TRMT9B: variants seen among roughly 807,000 people sequenced by gnomAD.
TRMT9B encodes probable tRNA methyltransferase 9B.
In TRMT9B, 16 loss-of-function variants were observed where a neutral mutation model predicts 11.5. That is an observed-to-expected ratio of 1.39 (90% CI 0.94 to 2.11). The LOEUF (loss-of-function observed/expected upper bound fraction) is 2.11. TRMT9B is among the 30% of genes most tolerant of loss of function. The pLI, the probability that TRMT9B is intolerant of heterozygous loss-of-function variation, is 0.00. For synonymous variants in TRMT9B, 274 were observed against 192.4 expected (o/e 1.42, Z -3.51); for missense variants, 941 against 553.8 (o/e 1.70, Z -7.02).
At chr8:12,999,895 A>G (rs1223489847) in intron 2 of TRMT9B, among the ~76,000 whole-genome samples, 1 of 152,236 alleles carries the variant, frequency 6.6e-6, no homozygotes, top group East Asian at 1.9e-4. Flanking sequence ...ATTTTATTAT[A>G]ATATATCTCT....
chr8:12,952,738 G>GC, intron 1 of TRMT9B: 2 of 963,756 alleles, frequency 2.1e-6, no homozygotes, highest in Non-Finnish European at 2.5e-6. Flanking sequence ...TGCTATGTGT[G>GC]GGGTTTTTTT....
intron 1 of TRMT9B, among the ~76,000 whole-genome samples, chr8:12,958,205 G>C (rs148587597): frequency 1.6e-4 from 24 of 151,918 alleles, no homozygotes; most frequent in Non-Finnish European, 2.8e-4. Context: ...CATTGTTTAC[G>C]CCACATTATG....
chr8:12,996,319 T>C (rs1435360452), intron 2 of TRMT9B, among the ~76,000 whole-genome samples: 2 of 152,222 alleles, frequency 1.3e-5, no homozygotes, highest in Non-Finnish European at 2.9e-5. Context: ...GTCACTTACC[T>C]GGTGCCCTAA....
chr8:12,974,997 A>G (rs992785890), intron 1 of TRMT9B, among the ~76,000 whole-genome samples: 1 of 151,968 alleles, frequency 6.6e-6, no homozygotes, highest in Non-Finnish European at 1.5e-5. Context: ...AGACTGGATC[A>G]TGGTCTGTGG....
At chr8:12,947,178 G>T (rs1360035493) in intron 1 of TRMT9B, among the ~76,000 whole-genome samples, 1 of 152,150 alleles carries the variant, frequency 6.6e-6, no homozygotes, top group African/African-American at 2.4e-5. Context: ...AGGCCATAAA[G>T]CTTGAGCTTT....
intron 3 of TRMT9B, among the ~76,000 whole-genome samples, chr8:13,008,689 A>G (rs546294523): frequency 8.5e-5 from 13 of 152,320 alleles, no homozygotes; most frequent in Admixed American, 7.8e-4. Context: ...AAATCAAACT[A>G]AGTAAAAATA....
intron 2 of TRMT9B, among the ~76,000 whole-genome samples, chr8:13,001,275 G>A (rs994416508): frequency 2.0e-5 from 3 of 152,138 alleles, no homozygotes; most frequent in African/African-American, 4.8e-5. Flanking sequence ...TCTCACCCAT[G>A]GACTGGTTCC....
At chr8:12,997,806 C>G (rs879566088) in intron 2 of TRMT9B, among the ~76,000 whole-genome samples, 1 of 152,150 alleles carries the variant, frequency 6.6e-6, no homozygotes, top group Non-Finnish European at 1.5e-5. Context: ...ATATGTGTAG[C>G]TTTAGTTGTT....
intron 1 of TRMT9B, among the ~76,000 whole-genome samples, chr8:12,955,500 C>T (rs1315870963): frequency 6.6e-6 from 1 of 152,234 alleles, no homozygotes; most frequent in South Asian, 2.1e-4. Context: ...TCGGCATCAA[C>T]CCTAAGCCGT....
intron 1 of TRMT9B, among the ~76,000 whole-genome samples, chr8:12,953,824 G>A (rs1222150532): frequency 6.6e-6 from 1 of 152,136 alleles, no homozygotes; most frequent in Non-Finnish European, 1.5e-5. Flanking sequence ...CTTATTTAAA[G>A]AAGACCTTGA....
At chr8:13,010,791 A>G (rs1463331897) in intron 3 of TRMT9B, 14 of 982,690 alleles carry the variant, frequency 1.4e-5, no homozygotes, top group African/African-American at 1.8e-5. Flanking sequence ...AAATAGGACC[A>G]TCGTCTTTTG....
chr8:13,015,912 T>A (rs892725908), intron 4 of TRMT9B, among the ~76,000 whole-genome samples: 1 of 151,924 alleles, frequency 6.6e-6, no homozygotes, highest in Non-Finnish European at 1.5e-5. Context: ...TACGAATTAA[T>A]GTGATGTGGT....
intron 3 of TRMT9B, chr8:13,011,761 G>GT: frequency 5.2e-6 from 5 of 964,386 alleles, no homozygotes; most frequent in Non-Finnish European, 6.2e-6. Flanking sequence ...AAAAAAAGTA[G>GT]TTTTTATAAT....
chr8:12,958,015 A>G (rs1157976803), intron 1 of TRMT9B, among the ~76,000 whole-genome samples: 1 of 152,172 alleles, frequency 6.6e-6, no homozygotes, highest in African/African-American at 2.4e-5. Flanking sequence ...CTTATATAGT[A>G]TATTAGTCCG....
rs1814006061 is a variant in TRMT9B at position 13,021,884 on chromosome 8, T to G, written c.1205T>G (p.Val402Gly). Residue 402 changes from valine (V) to glycine (G), a missense_variant, in exon 5 of 5, where the codon GTT becomes GGT. Coordinates refer to ENST00000524591, the MANE Select transcript of TRMT9B (RefSeq NM_020844.3). Reference protein sequence around the residue: ...TMSVEDPQTDVLDSTAFMRYY... With the variant: ...TMSVEDPQTDGLDSTAFMRYY... ...TCTGTCGAAGATCCACAGACTGATGTTTTGGACTCCACAGCCTTTATGCGC... is the reference window on the plus strand; with the variant it reads ...TCTGTCGAAGATCCACAGACTGATGGTTTGGACTCCACAGCCTTTATGCGC... The G allele has an allele frequency of 6.2e-7, 1 of 1,613,728 alleles. No individual in the cohort carries two copies.
chr8:12,950,806 G>T (rs1210680974), intron 1 of TRMT9B, among the ~76,000 whole-genome samples: 1 of 152,116 alleles, frequency 6.6e-6, no homozygotes, highest in Non-Finnish European at 1.5e-5. Context: ...ACCTGTTATA[G>T]ACCAGCGTCT....
chr8:12,995,415 T>C (rs1417013854), intron 2 of TRMT9B, among the ~76,000 whole-genome samples: 1 of 152,242 alleles, frequency 6.6e-6, no homozygotes, highest in Non-Finnish European at 1.5e-5. Flanking sequence ...TTTTCTTCTC[T>C]CTGTTCTTTA....
At chr8:12,995,919 C>A (rs1005045039) in intron 2 of TRMT9B, among the ~76,000 whole-genome samples, 1 of 152,120 alleles carries the variant, frequency 6.6e-6, no homozygotes, top group Non-Finnish European at 1.5e-5. Flanking sequence ...ACAGATGATC[C>A]ACATGAGAGT....
At chr8:12,953,925 G>C (rs1228040523) in intron 1 of TRMT9B, among the ~76,000 whole-genome samples, 1 of 152,184 alleles carries the variant, frequency 6.6e-6, no homozygotes, top group African/African-American at 2.4e-5. Flanking sequence ...AGAGAGCTCT[G>C]TATACACTCT....
Sources: gnomAD v4.1 joint callset for allele counts (sites outside exome capture counted in the v4.1 genomes callset) on GRCh38, gnomAD v4.1.1 for gene constraint, MANE v1.5 for transcripts, NCBI Gene and HGNC (gene_info 2026-07-23, HGNC 2026-07-21) for gene names.